Variants in FZD3 observed in about 807,000 individuals in gnomAD.
The protein encoded by FZD3 is frizzled class receptor 3.
A neutral mutation model predicts 60.7 loss-of-function variants in FZD3; 30 were observed. The ratio of observed to expected loss-of-function variants is 0.49; its 90% CI spans 0.37 to 0.67. FZD3 has a LOEUF of 0.67. Among genes scored for constraint, FZD3 ranks in the 30% least tolerant of loss-of-function variants. The pLI, the probability that FZD3 is intolerant of heterozygous loss-of-function variation, is 0.00. For missense variants in FZD3, 605 were observed against 838.7 expected (o/e 0.72, Z 3.44); for synonymous variants, 246 against 275.2 (o/e 0.89, Z 1.05).
At position 28,565,380 on chromosome 8, in the gene FZD3, T is replaced by C. The variant is rs1313664034; in HGVS notation, c.*2369T>C. 6.6e-6 allele frequency: 1 copy of C among 152,176 alleles called. No homozygotes were observed. Among genetic ancestry groups the C allele is most frequent in the Admixed American group, 6.5e-5 (1 of 15,280 alleles). 9.4% of individuals were successfully genotyped at this position (152,176 alleles called of 1,614,324 possible). Reference sequence around the variant, plus strand: ...ATATAACAACTTATTTATCAATAATTCATGAAGCTTTTGTCTGAGAATCTC... The same window carrying C: ...ATATAACAACTTATTTATCAATAATCCATGAAGCTTTTGTCTGAGAATCTC... On this transcript the variant is annotated 3_prime_UTR_variant, in exon 8 of 8. Transcript: ENST00000240093.
chr8:28,550,895 C>T (rs1372457781), intron 5 of FZD3, among the ~76,000 whole-genome samples: 1 of 152,066 alleles, frequency 6.6e-6, no homozygotes, highest in African/African-American at 2.4e-5. Flanking sequence ...GCTTTTTGTT[C>T]TATAGAAGTT....
At chr8:28,557,605 T>A (rs1201792468) in intron 7 of FZD3, among the ~76,000 whole-genome samples, 1 of 152,254 alleles carries the variant, frequency 6.6e-6, no homozygotes, top group Non-Finnish European at 1.5e-5. Flanking sequence ...TTCCTTTTTC[T>A]TTCCTGGCTA....
intron 3 of FZD3, among the ~76,000 whole-genome samples, chr8:28,513,142 A>T (rs1458683221): frequency 6.6e-6 from 1 of 152,142 alleles, no homozygotes; most frequent in African/African-American, 2.4e-5. Flanking sequence ...GTCATTTCAG[A>T]CTTTAGGACA....
intron 5 of FZD3, among the ~76,000 whole-genome samples, chr8:28,532,525 C>T (rs1228102653): frequency 2.0e-5 from 3 of 152,128 alleles, no homozygotes; most frequent in South Asian, 2.1e-4. Context: ...CTCCCAGGCT[C>T]GAGTGATCCT....
intron 6 of FZD3, among the ~76,000 whole-genome samples, chr8:28,552,253 TAAAG>T (rs1805426707): frequency 6.6e-6 from 1 of 152,184 alleles, no homozygotes; most frequent in South Asian, 2.1e-4. Context: ...AAAAGTGATA[TAAAG>T]AAATACTCTT....
intron 5 of FZD3, among the ~76,000 whole-genome samples, chr8:28,549,790 T>G (rs188443631): frequency 6.6e-6 from 1 of 152,314 alleles, no homozygotes; most frequent in East Asian, 1.9e-4. Flanking sequence ...GAATGAATAC[T>G]TCTATCAAAT....
chr8:28,530,597 A>G (rs1161832788), intron 5 of FZD3: 1 of 152,074 alleles, frequency 6.6e-6, no homozygotes, highest in Non-Finnish European at 1.5e-5. Flanking sequence ...CGTTTTTTAA[A>G]AGCCCCTAGT....
intron 3 of FZD3, among the ~76,000 whole-genome samples, chr8:28,510,735 T>A (rs1804263535): frequency 6.6e-6 from 1 of 152,150 alleles, no homozygotes; most frequent in African/African-American, 2.4e-5. Context: ...ATGTGAAAAT[T>A]GTTTTTTAAA....
chr8:28,536,852 G>C (rs1805029042), intron 5 of FZD3, among the ~76,000 whole-genome samples: 1 of 152,138 alleles, frequency 6.6e-6, no homozygotes, highest in African/African-American at 2.4e-5. Context: ...AATTTGTTAT[G>C]ATTTTAGCTT....
At position 28,574,127 on chromosome 8, in the gene FZD3, G is replaced by A. The variant is rs1460125634; in HGVS notation, c.*11116G>A. 1 of 152,164 alleles carries A rather than the reference G, an allele frequency of 6.6e-6. No homozygotes were observed. The highest frequency in any genetic ancestry group is 2.4e-5 in the African/African-American group (1 of 41,440). The allele number at this position is 152,164 out of a possible 1,614,324, so 9.4% of individuals were successfully genotyped here. ...CTCTTGTAGATTTATTTTGTTTACAGTAGACTGATGTCAGTTTTTGTAAAT... is the reference window on the plus strand; with the variant it reads ...CTCTTGTAGATTTATTTTGTTTACAATAGACTGATGTCAGTTTTTGTAAAT... On this transcript the variant is annotated 3_prime_UTR_variant, in exon 8 of 8. Transcript: ENST00000240093.
chr8:28,519,505 A>C (rs1420301350), intron 3 of FZD3, among the ~76,000 whole-genome samples: 3 of 152,044 alleles, frequency 2.0e-5, no homozygotes. Context: ...TGAGATGGAC[A>C]GATCGCTTGA....
chr8:28,510,168 CATG>C (rs1356417223), intron 3 of FZD3, among the ~76,000 whole-genome samples: 1 of 151,944 alleles, frequency 6.6e-6, no homozygotes, highest in Non-Finnish European at 1.5e-5. Flanking sequence ...AGTATGATGA[CATG>C]ATCCTTATTT....
intron 5 of FZD3, among the ~76,000 whole-genome samples, chr8:28,545,229 G>A (rs749837943): frequency 1.1e-4 from 16 of 152,206 alleles, no homozygotes; most frequent in Admixed American, 2.0e-4. Context: ...CACATCTCTT[G>A]CTCTTGAGTA....
At chr8:28,517,000 T>C (rs929701453) in intron 3 of FZD3, among the ~76,000 whole-genome samples, 1 of 152,208 alleles carries the variant, frequency 6.6e-6, no homozygotes, top group African/African-American at 2.4e-5. Context: ...TAAGATGATA[T>C]TATTTTTGTT....
intron 3 of FZD3, among the ~76,000 whole-genome samples, chr8:28,513,351 C>T (rs1181007973): frequency 1.3e-5 from 2 of 152,096 alleles, no homozygotes; most frequent in Non-Finnish European, 2.9e-5. Context: ...ATTTATGGAC[C>T]TCTCTGGGAA....
chr8:28,527,150 C>T lies in FZD3; in HGVS notation c.390C>T (p.Phe130=). The change falls in exon 5 of 8, where the codon TTC becomes TTT. Residue 130 remains phenylalanine (F), a synonymous_variant. Coordinates refer to ENST00000240093, the MANE Select transcript of FZD3 (RefSeq NM_017412.4). This position sits in a 1 kb window ranked among gnomAD's most constrained non-coding sequence, Gnocchi z 5.0. ...PWPEDMECSR[F]PDCDEPYPRL... is the part of the protein sequence containing the mutation. ...CTCATCTTGTTTTGTTTTTTAGGTT[C>T]CCAGATTGTGATGAGCCATATCCTC... is the stretch of plus-strand genomic sequence containing the variant. 1 of 1,597,586 alleles carries T rather than the reference C, an allele frequency of 6.3e-7. No homozygotes were observed. The highest frequency in any genetic ancestry group is 1.4e-5 in the African/African-American group (1 of 73,744).
chr8:28,518,835 A>G (rs1253548522), intron 3 of FZD3, among the ~76,000 whole-genome samples: 1 of 152,188 alleles, frequency 6.6e-6, no homozygotes, highest in African/African-American at 2.4e-5. Flanking sequence ...CCACCTTTAA[A>G]AAGTGGCTGT....
intron 3 of FZD3, among the ~76,000 whole-genome samples, chr8:28,507,789 ATTT>A (rs71222555): frequency 0.027 from 3,973 of 146,906 alleles, 135 homozygotes; most frequent in East Asian, 0.093. Flanking sequence ...GAACTCAAGG[ATTT>A]TTTTTTTTTT....
intron 3 of FZD3, among the ~76,000 whole-genome samples, chr8:28,506,565 A>C (rs764495839): frequency 3.0e-4 from 46 of 152,122 alleles, no homozygotes; most frequent in Non-Finnish European, 5.6e-4. Context: ...TCCCCACCCC[A>C]TATATAGAGG....
Sources: gnomAD v4.1 joint callset for allele counts (sites outside exome capture counted in the v4.1 genomes callset) on GRCh38, gnomAD v4.1.1 for gene constraint, Gnocchi (gnomAD v3.1) non-coding constraint, MANE v1.5 for transcripts, NCBI Gene and HGNC (gene_info 2026-07-23, HGNC 2026-07-21) for gene names.